Variants in SLC23A1 observed in about 807,000 individuals in gnomAD.
SLC23A1 encodes the protein Na(+)/L-ascorbic acid transporter 1.
A neutral mutation model predicts 62.5 loss-of-function variants in SLC23A1; 31 were observed. The observed-to-expected ratio is 0.50, with a 90% CI of 0.37 to 0.67. SLC23A1 has a LOEUF of 0.67. Ranked by LOEUF, SLC23A1 falls within the 30% of genes least tolerant of loss-of-function variation. The pLI is 0.00. For synonymous variants in SLC23A1, 271 were observed against 313.2 expected, an observed-to-expected ratio of 0.87 and a Z score of 1.42; for missense variants, 640 against 782.7, an observed-to-expected ratio of 0.82 and a Z score of 2.18.
Position 139,378,745 on chromosome 5 carries a change from T to C in SLC23A1, c.1074-61A>G, listed in dbSNP as rs1208046215. 1.6e-6 allele frequency: 2 copies of C among 1,282,678 alleles called. No homozygotes were observed. Among genetic ancestry groups the C allele is most frequent in the Non-Finnish European group, 2.2e-6 (2 of 900,542 alleles). 79.5% of individuals were successfully genotyped at this position (1,282,678 alleles called of 1,614,324 possible). ...CTCTGCACCAGTCTGTGTTCCCCCATCATCTTAGCAAGCTGCCGTCCTCTG... is the reference window on the plus strand; with the variant it reads ...CTCTGCACCAGTCTGTGTTCCCCCACCATCTTAGCAAGCTGCCGTCCTCTG... On this transcript the variant is annotated intron_variant, in intron 9 of 14. Coordinates refer to ENST00000348729, the MANE Select transcript of SLC23A1 (RefSeq NM_005847.5). The surrounding 1 kb of genome is among the most constrained non-coding windows in gnomAD (Gnocchi z 4.5).
At chr5:139,371,178 A>T (rs1245751775) in intron 14 of SLC23A1, among the ~76,000 whole-genome samples, 1 of 152,168 alleles carries the variant, frequency 6.6e-6, no homozygotes, top group African/African-American at 2.4e-5. Flanking sequence ...TCCTTTCCAC[A>T]TCTCTAAAAT....
Position 139,372,239 on chromosome 5 carries a change from G to A in SLC23A1, c.1564C>T (p.Arg522Cys), listed in dbSNP as rs1393720132. The change falls in exon 14 of 15, where the codon CGT (arginine) becomes TGT (cysteine). Residue 522 changes from arginine to cysteine, a missense_variant. Physicochemically the swap from Arg to Cys is radical, Grantham distance 180. Transcript: ENST00000348729. ...CCAGCTTTCCACTGTATCAGACCAC[G>A]CTCCTCTGGGCTCCCTGGAAGAGGA... is the stretch of plus-strand genomic sequence containing the variant. ...DNTVPGSPEE[R>C]GLIQWKAGAH... is the part of the protein sequence containing the mutation. The A allele has an allele frequency of 6.2e-6, 10 of 1,613,050 alleles. No individual in the cohort carries two copies. The highest frequency in any genetic ancestry group is 8.5e-6 in the Non-Finnish European group (10 of 1,179,424).
upstream of SLC23A1, among the ~76,000 whole-genome samples, chr5:139,385,056 C>T (rs189497829): frequency 1.9e-3 from 288 of 152,344 alleles, no homozygotes; most frequent in Non-Finnish European, 3.2e-3. Flanking sequence ...TCTGAATCCC[C>T]TCCCAGCCCT....
chr5:139,384,927 G>C (rs1016938315), upstream of SLC23A1, among the ~76,000 whole-genome samples: 1 of 152,166 alleles, frequency 6.6e-6, no homozygotes, highest in Non-Finnish European at 1.5e-5. Flanking sequence ...CTTCAGGCAG[G>C]TCCTGGAACA....
upstream of SLC23A1, chr5:139,384,232 G>A: frequency 1.3e-6 from 1 of 755,108 alleles, no homozygotes; most frequent in South Asian, 1.8e-5. Context: ...GGCCTGAGAT[G>A]GCAGAGGGGG....
upstream of SLC23A1, among the ~76,000 whole-genome samples, chr5:139,384,960 G>A (rs372911930): frequency 4.1e-3 from 623 of 152,262 alleles, no homozygotes; most frequent in Non-Finnish European, 6.3e-3. Context: ...AGGGGGCTGA[G>A]TGCAGCTCCC....
At position 139,380,237 on chromosome 5, in the gene SLC23A1, T is replaced by C. The variant is rs142849496; in HGVS notation, c.618A>G (p.Arg206=). The C allele has an allele frequency of 6.4e-7, 1 of 1,563,630 alleles. No homozygotes were observed. Residue 206 remains arginine, a synonymous_variant, in exon 6 of 15, where the codon CGA becomes CGG. Transcript: ENST00000348729. ...CTGAGATGCCCCAGTGGGAGCCAGC[T>C]CGGTCGCCAGCAGCTTGGAAGACAG... ...GLSVFQAAGD[R]AGSHWGISAC...
intron 14 of SLC23A1, among the ~76,000 whole-genome samples, chr5:139,367,872 C>T (rs1382974190): frequency 6.6e-6 from 1 of 152,166 alleles, no homozygotes; most frequent in Non-Finnish European, 1.5e-5. Flanking sequence ...TACACTTAAG[C>T]AAACTGAATT....
At chr5:139,380,773 G>A (rs767832046) in intron 4 of SLC23A1, 25 bp downstream of exon 4, 36 of 1,520,836 alleles carry the variant, frequency 2.4e-5, no homozygotes, top group Non-Finnish European at 3.2e-5. Context: ...CTTTTCCCCA[G>A]TGCAGACCCC....
chr5:139,380,181 C>T, intron 6 of SLC23A1, 27 bp downstream of exon 6: 1 of 1,555,712 alleles, frequency 6.4e-7, no homozygotes, highest in Non-Finnish European at 8.7e-7. Flanking sequence ...TGGGGCTGGG[C>T]AGGGATCAGG....
In SLC23A1 at chr5:139,367,338, G is replaced by T. The variant is rs770393589; in HGVS notation, c.*313C>A. On this transcript the variant is annotated 3_prime_UTR_variant, in exon 15 of 15. Coordinates refer to ENST00000348729, the MANE Select transcript of SLC23A1 (RefSeq NM_005847.5). ...TTCTTTTTATTTTTTTCAACTTGCA[G>T]TCTAAAATATCACAGAGGAAAATTT... 5 of 152,054 alleles carry T rather than the reference G, an allele frequency of 3.3e-5. No individual in the cohort carries two copies. The highest frequency in any genetic ancestry group is 7.4e-5 in the Non-Finnish European group (5 of 68,022). The allele number at this position is 152,054 out of a possible 1,614,324, so 9.4% of individuals were successfully genotyped here. A position where few individuals can be genotyped will look rare whatever the true frequency, so the allele number is the denominator to read the frequency against.
At chr5:139,372,939 A>G (rs1459954752) in intron 13 of SLC23A1, among the ~76,000 whole-genome samples, 2 of 152,126 alleles carry the variant, frequency 1.3e-5, no homozygotes, top group African/African-American at 4.8e-5. Flanking sequence ...GTGAACCTAA[A>G]TCTGTGAGTA....
At position 139,380,095 on chromosome 5, in the gene SLC23A1, T is replaced by G. The variant is rs749583135; in HGVS notation, c.648-19A>C. ...AATGGAGCTGGGGGCAGAGGCACAATCAGGAAGTGGATGGGAGGCCAGGCT... is the reference window on the plus strand; with the variant it reads ...AATGGAGCTGGGGGCAGAGGCACAAGCAGGAAGTGGATGGGAGGCCAGGCT... On this transcript the variant is annotated intron_variant, in intron 6 of 14. Coordinates refer to ENST00000348729, the MANE Select transcript of SLC23A1 (RefSeq NM_005847.5). 1.3e-6 allele frequency: 2 copies of G among 1,599,396 alleles called. No individual in the cohort carries two copies. The highest frequency in any genetic ancestry group is 4.5e-5 in the East Asian group (2 of 44,324).
chr5:139,368,879 T>C (rs961664971), intron 14 of SLC23A1: 1 of 1,066,142 alleles, frequency 9.4e-7, no homozygotes, highest in Non-Finnish European at 1.4e-6. Flanking sequence ...TTGTAAAAGC[T>C]CTCTTGTCAC....
intron 3 of SLC23A1, 114 bp downstream of exon 3, chr5:139,381,778 G>A (rs1758274267): frequency 1.2e-6 from 1 of 819,166 alleles, no homozygotes; most frequent in South Asian, 1.7e-5. Flanking sequence ...AGCAGGTGGA[G>A]GCAGAAAGCG....
Position 139,378,461 on chromosome 5 carries a change from T to G in SLC23A1, c.1180-110A>C. The stretch of plus-strand genomic sequence containing the variant: ...GAGGCATAAACCGGCTGGGGCTTGA[T>G]GCGGGGGCGAGGCCTCTCAAAGACA... On this transcript the variant is annotated intron_variant, in intron 10 of 14. Transcript: ENST00000348729. This position sits in a 1 kb window ranked among gnomAD's most constrained non-coding sequence, Gnocchi z 4.5. The G allele has an allele frequency of 1.4e-6, 2 of 1,457,464 alleles. No homozygotes were observed. Among genetic ancestry groups the G allele is most frequent in the Non-Finnish European group, 1.9e-6 (2 of 1,070,370 alleles). 90.3% of individuals were successfully genotyped at this position (1,457,464 alleles called of 1,614,324 possible).
intron 2 of SLC23A1, 68 bp downstream of exon 2, chr5:139,382,424 G>A: frequency 2.3e-6 from 2 of 873,588 alleles, no homozygotes; most frequent in Non-Finnish European, 3.8e-6. Flanking sequence ...ACTCCCTGCT[G>A]GCCAGGGAGG....
intron 14 of SLC23A1, chr5:139,369,696 AAAT>A (rs1757535152): frequency 1.3e-5 from 2 of 152,662 alleles, no homozygotes; most frequent in African/African-American, 4.8e-5. Flanking sequence ...ATATTTAAAA[AAAT>A]AAATAATAGT....
At chr5:139,381,614 CAAAAAA>C (rs904456829) in intron 3 of SLC23A1, among the ~76,000 whole-genome samples, 2 of 55,704 alleles carry the variant, frequency 3.6e-5, no homozygotes, top group Non-Finnish European at 6.8e-5. Flanking sequence ...ACTCCGTCTC[CAAAAAA>C]AAAAAAAAAA....
Sources: gnomAD v4.1 joint callset for allele counts (sites outside exome capture counted in the v4.1 genomes callset) on GRCh38, gnomAD v4.1.1 for gene constraint, Gnocchi (gnomAD v3.1) non-coding constraint, MANE v1.5 for transcripts, NCBI Gene and HGNC (gene_info 2026-07-23, HGNC 2026-07-21) for gene names.